The following SH3PXD2A variants were observed in gnomAD, a reference collection of about 807,000 sequenced individuals.
SH3PXD2A encodes the protein SH3 and PX domain-containing protein 2A.
Under a neutral mutation model 115.2 loss-of-function variants are expected in SH3PXD2A, and 32 were observed. The observed-to-expected ratio is 0.28, with a 90% CI of 0.21 to 0.37. The LOEUF (loss-of-function observed/expected upper bound fraction) is 0.37, where lower values mean the gene tolerates loss of function less well. Ranked by LOEUF, SH3PXD2A falls within the 10% of genes least tolerant of loss-of-function variation. SH3PXD2A has a pLI of 1.00. For missense variants in SH3PXD2A, 1,328 were observed against 1,498.7 expected (o/e 0.89, Z 1.88); for synonymous variants, 610 against 629.1 (o/e 0.97, Z 0.45).
rs1328385212 is a variant in SH3PXD2A, at chr10:103,600,837, C to CAA, written c.*977_*978dup. The CAA allele has an allele frequency of 6.6e-6, 1 of 152,146 alleles. No individual in the cohort carries two copies. Among genetic ancestry groups the CAA allele is most frequent in the Admixed American group, 6.5e-5 (1 of 15,282 alleles). The allele number at this position is 152,146 out of a possible 1,614,324, so 9.4% of individuals were successfully genotyped here. On this transcript the variant is annotated 3_prime_UTR_variant, in exon 15 of 15. Transcript: ENST00000369774. Reference sequence around the variant, plus strand: ...GAGGGGGAAGAATGTGAAACAAAAACAAAAGCAAAATCACCCGCCCACAAG... The same window carrying CAA: ...GAGGGGGAAGAATGTGAAACAAAAACAAAAAAGCAAAATCACCCGCCCACAAG...
chr10:103,696,383 G>A (rs1363693858), intron 5 of SH3PXD2A, among the ~76,000 whole-genome samples: 1 of 152,194 alleles, frequency 6.6e-6, no homozygotes, highest in Non-Finnish European at 1.5e-5. Context: ...CGCAAAGGCA[G>A]GGATCCCCCT....
At chr10:103,677,328 A>T (rs1044644132) in intron 6 of SH3PXD2A, among the ~76,000 whole-genome samples, 1 of 152,124 alleles carries the variant, frequency 6.6e-6, no homozygotes, top group African/African-American at 2.4e-5. Context: ...CTGCTTCAGG[A>T]GTCATGTAGG....
chr10:103,598,544 A>G lies in SH3PXD2A; in HGVS notation c.*3272T>C, dbSNP rs2036169659. 6.5e-6 allele frequency: 1 copy of G among 152,714 alleles called. No homozygotes were observed. The highest frequency in any genetic ancestry group is 1.5e-5 in the Non-Finnish European group (1 of 68,048). The allele number at this position is 152,714 out of a possible 1,614,324, so 9.5% of individuals were successfully genotyped here. ...CATTATGGTTAAAGTTGCAGTATAC[A>G]GCAATACAGTGTCGTTTCACATTTT... On this transcript the variant is annotated 3_prime_UTR_variant, in exon 15 of 15. Transcript: ENST00000369774.
At chr10:103,626,457 G>A (rs576079443) in intron 9 of SH3PXD2A, among the ~76,000 whole-genome samples, 1 of 152,288 alleles carries the variant, frequency 6.6e-6, no homozygotes, top group South Asian at 2.1e-4. Flanking sequence ...GGCGCAAACG[G>A]ACTGGGCTCA....
chr10:103,629,708 G>A (rs1279878616), intron 8 of SH3PXD2A, among the ~76,000 whole-genome samples: 1 of 152,242 alleles, frequency 6.6e-6, no homozygotes, highest in Non-Finnish European at 1.5e-5. Flanking sequence ...TTGACATGGT[G>A]GAAGGGGTTT....
chr10:103,852,277 G>A (rs1564904694), intron 1 of SH3PXD2A, among the ~76,000 whole-genome samples: 1 of 152,238 alleles, frequency 6.6e-6, no homozygotes, highest in Non-Finnish European at 1.5e-5. Flanking sequence ...TTCATGAACT[G>A]ACCGAAAGCA....
At chr10:103,697,784 G>GGCTGGTGTT (rs1325462939) in intron 5 of SH3PXD2A, among the ~76,000 whole-genome samples, 1 of 152,188 alleles carries the variant, frequency 6.6e-6, no homozygotes, top group African/African-American at 2.4e-5. Flanking sequence ...CTAGTGAAAT[G>GGCTGGTGTT]GCTGGTGTTG....
chr10:103,649,307 G>A (rs539079841), intron 8 of SH3PXD2A, among the ~76,000 whole-genome samples: 7 of 152,282 alleles, frequency 4.6e-5, no homozygotes, highest in African/African-American at 1.2e-4. Context: ...GAGCAAAGCC[G>A]GTGCTCAGAG....
At chr10:103,648,065 C>T (rs531436008) in intron 8 of SH3PXD2A, among the ~76,000 whole-genome samples, 2 of 152,154 alleles carry the variant, frequency 1.3e-5, no homozygotes, top group Non-Finnish European at 2.9e-5. Flanking sequence ...CACATATCCA[C>T]GCAGGAAAGA....
intron 1 of SH3PXD2A, among the ~76,000 whole-genome samples, chr10:103,842,255 T>TTTTAC (rs1394045742): frequency 6.6e-6 from 1 of 150,738 alleles, no homozygotes; most frequent in Admixed American, 6.6e-5. Flanking sequence ...TATTTTGTTA[T>TTTTAC]TGTATTCTTA....
At chr10:103,807,920 CT>C (rs2039223488) in intron 1 of SH3PXD2A, among the ~76,000 whole-genome samples, 2 of 152,198 alleles carry the variant, frequency 1.3e-5, no homozygotes, top group Admixed American at 6.5e-5. Context: ...CTCTGGCTTC[CT>C]GGTGGAGTTC....
chr10:103,855,262 A>G lies in SH3PXD2A; in HGVS notation c.5T>C (p.Leu2Pro), dbSNP rs1360021870. 1.3e-6 allele frequency: 2 copies of G among 1,516,990 alleles called. No homozygotes were observed. The highest frequency in any genetic ancestry group is 1.8e-6 in the Non-Finnish European group (2 of 1,129,994). 94.0% of individuals were successfully genotyped at this position (1,516,990 alleles called of 1,614,324 possible). Residue 2 changes from leucine to proline, a missense_variant, in exon 1 of 15, where the codon CTC becomes CCC. Transcript: ENST00000369774. ...GGTGGCATCCTGCACGCAGTAGGCG[A>G]GCATCTTCCCCCACAAAGCGAGTGG... Reference protein sequence around the residue: MLAYCVQDATVV... With the variant: MPAYCVQDATVV...
rs560643110 is a variant in SH3PXD2A, at chr10:103,821,552, G to T, written c.73-20190C>A. 2.0e-5 allele frequency among the ~76,000 whole-genome samples: 3 copies of T among 151,496 alleles called. No homozygotes were observed. The East Asian group carries it at 5.9e-4, about 30-fold the overall frequency. ...TCCAGACACAAGTGGGAGATCTGTT[G>T]TTCTTGTTATTATTATTTGAGGCAG... is the stretch of plus-strand genomic sequence containing the variant. On this transcript the variant is annotated intron_variant, in intron 1 of 14. Coordinates refer to ENST00000369774, the MANE Select transcript of SH3PXD2A (RefSeq NM_001394015.1).
In SH3PXD2A at chr10:103,603,097, G is replaced by A; in HGVS notation, c.2121C>T (p.Ser707=). The change falls in exon 15 of 15, where the codon TCC becomes TCT. Residue 707 remains serine (S), a synonymous_variant. Coordinates refer to ENST00000369774, the MANE Select transcript of SH3PXD2A (RefSeq NM_001394015.1). ...CACTGGTTTTGGACAAGGAAGAGGA[G>A]GAGGAGGAAGAGGAGGAGCAGCAAG... is the stretch of plus-strand genomic sequence containing the variant. ...NTTCCSSSSS[S]SSSLSKTSGD... The A allele has an allele frequency of 6.2e-7, 1 of 1,613,128 alleles. No homozygotes were observed. Among genetic ancestry groups the A allele is most frequent in the Non-Finnish European group, 8.5e-7 (1 of 1,179,930 alleles).
Position 103,660,990 on chromosome 10 carries a change from G to C in SH3PXD2A, c.597C>G (p.Asn199Lys). The C allele has an allele frequency of 1.2e-6, 2 of 1,613,926 alleles. No homozygotes were observed. The highest frequency in any genetic ancestry group is 1.7e-6 in the Non-Finnish European group (2 of 1,179,910). Residue 199 changes from asparagine to lysine, a missense_variant, in exon 8 of 15, where the codon AAC (asparagine) becomes AAG (lysine). This residue lies in a region of SH3PXD2A where 509 missense variants were observed against 628.3 expected (regional missense o/e 0.81). Transcript: ENST00000369774. ...ATTGGCCAGGGCACTCACCGCTCTC[G>C]TTCTTCTCGATGACATCCACCACCT... is the stretch of plus-strand genomic sequence containing the variant. ...AGEVVDVIEK[N>K]ESGWWFVSTS...
At chr10:103,651,119 G>A (rs866122364) in intron 8 of SH3PXD2A, among the ~76,000 whole-genome samples, 1 of 152,184 alleles carries the variant, frequency 6.6e-6, no homozygotes, top group Admixed American at 6.5e-5. Context: ...GTTTGTGTTT[G>A]GGGGAGTGGC....
chr10:103,731,589 C>G (rs1405120414), intron 4 of SH3PXD2A, among the ~76,000 whole-genome samples: 1 of 152,200 alleles, frequency 6.6e-6, no homozygotes, highest in Admixed American at 6.5e-5. Flanking sequence ...CCCCAGAGAA[C>G]CAGGCCACTC....
At chr10:103,761,845 C>T (rs1000812646) in intron 3 of SH3PXD2A, among the ~76,000 whole-genome samples, 2 of 152,100 alleles carry the variant, frequency 1.3e-5, no homozygotes, top group African/African-American at 4.8e-5. Flanking sequence ...GAAAGACATA[C>T]GGCCCCATAG....
chr10:103,608,612 TTTAA>T (rs2036374512), intron 13 of SH3PXD2A: 3 of 149,850 alleles, frequency 2.0e-5, no homozygotes, highest in South Asian at 4.2e-4. Context: ...TATTGCACAT[TTTAA>T]TTAAATTATT....
Sources: allele counts gnomAD v4.1 joint callset (sites outside exome capture counted in the v4.1 genomes callset), GRCh38; gene constraint gnomAD v4.1.1; regional missense constraint gnomAD v4.1.1; transcripts MANE v1.5; gene names NCBI Gene and HGNC (gene_info 2026-07-23, HGNC 2026-07-21).